NIN: variants seen among roughly 807,000 people sequenced by gnomAD.
NIN encodes ninein.
NIN carries 137 observed loss-of-function variants against 257.6 expected under a neutral mutation model. That is an observed-to-expected ratio of 0.53 (90% CI 0.46 to 0.61). NIN has a LOEUF of 0.61. Among genes scored for constraint, NIN ranks in the 20% least tolerant of loss-of-function variants. The pLI is 0.00. For missense variants in NIN, 2,439 were observed against 2,501.2 expected (o/e 0.98, Z 0.53); for synonymous variants, 918 against 919.8 (o/e 1.00, Z 0.04).
intron 3 of NIN, among the ~76,000 whole-genome samples, chr14:50,817,453 G>T (rs78718205): frequency 0.013 from 2,013 of 152,220 alleles, 52 homozygotes; most frequent in African/African-American, 0.045. Context: ...AACCCTTTCA[G>T]AAATGTAAGA....
In NIN at chr14:50,735,536, G is replaced by A; in HGVS notation, c.5857C>T (p.Leu1953=). 1.2e-6 allele frequency: 2 copies of A among 1,613,064 alleles called. No individual in the cohort carries two copies. The highest frequency in any genetic ancestry group is 1.7e-6 in the Non-Finnish European group (2 of 1,179,968). ...NEGLKKKQVK[L]DEQLMEMQHL... is the part of the protein sequence containing the mutation. Reference sequence around the variant, plus strand: ...CTTACCTCCATGAGCTGCTCATCCAGTTTTACTTGTTTCTTTTTCAGGCCT... The same window carrying A: ...CTTACCTCCATGAGCTGCTCATCCAATTTTACTTGTTTCTTTTTCAGGCCT... The change falls in exon 28 of 31, where the codon CTG becomes TTG. Residue 1953 remains leucine, a synonymous_variant. Coordinates refer to ENST00000530997, the MANE Select transcript of NIN (RefSeq NM_020921.4).
intron 27 of NIN, among the ~76,000 whole-genome samples, chr14:50,736,540 A>G (rs1354061621): frequency 6.6e-6 from 1 of 152,200 alleles, no homozygotes; most frequent in East Asian, 1.9e-4. Flanking sequence ...TAGAAAGCTG[A>G]TTTTGCTTCT....
chr14:50,758,683 A>C (rs1256105345), intron 17 of NIN, 53 bp from the exon 18 acceptor site: 1 of 1,491,290 alleles, frequency 6.7e-7, no homozygotes, highest in African/African-American at 1.4e-5. Context: ...CTCCAGAAGC[A>C]AACAAAAACC....
Position 50,719,841 on chromosome 14 carries a change from C to T in NIN, c.*3622G>A, listed in dbSNP as rs2040238758. On this transcript the variant is annotated 3_prime_UTR_variant, in exon 31 of 31. Coordinates refer to ENST00000530997, the MANE Select transcript of NIN (RefSeq NM_020921.4). ...GCATGTTTGCAAAATTATTTATTTA[C>T]ATCTTAAGCTCACATTAAAATCTTT... 1 of 199,100 alleles carries T rather than the reference C, an allele frequency of 5.0e-6. No individual in the cohort carries two copies. Among genetic ancestry groups the T allele is most frequent in the African/African-American group, 2.3e-5 (1 of 43,450 alleles). The allele number at this position is 199,100 out of a possible 1,614,324, so 12.3% of individuals were successfully genotyped here.
At chr14:50,726,154 C>T (rs1219986114) in intron 29 of NIN, 88 bp from the exon 30 acceptor site, 7 of 1,038,244 alleles carry the variant, frequency 6.7e-6, no homozygotes, top group African/African-American at 1.6e-5. Flanking sequence ...AGAGAAAGGA[C>T]AGCAAATGTT....
rs770677099 is a variant in NIN, at chr14:50,739,374, T to C, written c.5562A>G (p.Gln1854=). ...CCATGGTCTGGAGCCTCTCATTCTC[T>C]TGCCAAAGCAGCTGCTGTTCCTCAT... The part of the protein sequence containing the change: ...LMNEEQQLLW[Q]ENERLQTMVQ... The change falls in exon 26 of 31, where the codon CAA becomes CAG. Residue 1854 remains glutamine, a synonymous_variant. Coordinates refer to ENST00000530997, the MANE Select transcript of NIN (RefSeq NM_020921.4). 4 of 1,614,256 alleles carry C rather than the reference T, an allele frequency of 2.5e-6. No homozygotes were observed. The highest frequency in any genetic ancestry group is 4.5e-5 in the East Asian group (2 of 44,882).
At chr14:50,814,628 C>G (rs922819021) in intron 3 of NIN, among the ~76,000 whole-genome samples, 2 of 152,106 alleles carry the variant, frequency 1.3e-5, no homozygotes, top group African/African-American at 4.8e-5. Flanking sequence ...ATCACGCTAC[C>G]CACTTCAAAC....
rs778311811 is a variant in NIN, at chr14:50,770,997, G to A, written c.1119-5C>T. 2.9e-5 allele frequency: 47 copies of A among 1,612,828 alleles called. No homozygotes were observed. The highest frequency in any genetic ancestry group is 3.0e-5 in the Non-Finnish European group (35 of 1,179,556). ...ACCACCTGATCAACTCGTTCCCTAG[G>A]ATCAGAAGTACACTGAGTTAATGGG... On this transcript the variant is annotated splice_polypyrimidine_tract_variant and splice_region_variant and intron_variant, in intron 10 of 30. Coordinates refer to ENST00000530997, the MANE Select transcript of NIN (RefSeq NM_020921.4).
At position 50,720,485 on chromosome 14, in the gene NIN, A is replaced by C. The variant is rs1322553281; in HGVS notation, c.*2978T>G. 4 of 209,902 alleles carry C rather than the reference A, an allele frequency of 1.9e-5. No individual in the cohort carries two copies. The highest frequency in any genetic ancestry group is 2.9e-5 in the Non-Finnish European group (3 of 102,956). 13.0% of individuals were successfully genotyped at this position (209,902 alleles called of 1,614,324 possible). A position where few individuals can be genotyped will look rare whatever the true frequency, so the allele number is the denominator to read the frequency against. On this transcript the variant is annotated 3_prime_UTR_variant, in exon 31 of 31. Transcript: ENST00000530997. ...TCTCATAATATCTGCCCTGGGTAAT[A>C]GTGCATTATTAAAATACTAGACCTG...
intron 4 of NIN, among the ~76,000 whole-genome samples, chr14:50,804,448 C>T (rs2044233293): frequency 6.6e-6 from 1 of 152,174 alleles, no homozygotes; most frequent in Non-Finnish European, 1.5e-5. Flanking sequence ...TCAATAAGTA[C>T]TTTTCTGCTG....
chr14:50,775,437 G>A (rs902420561), intron 7 of NIN, among the ~76,000 whole-genome samples: 1 of 152,138 alleles, frequency 6.6e-6, no homozygotes, highest in African/African-American at 2.4e-5. Context: ...AAAATGAGAG[G>A]TGACTAAATC....
intron 4 of NIN, among the ~76,000 whole-genome samples, chr14:50,801,462 G>C (rs1566862085): frequency 6.6e-6 from 1 of 152,222 alleles, no homozygotes. Context: ...CAGCAGAACA[G>C]GGACTAAGTT....
At chr14:50,790,064 T>G (rs1322360619) in intron 5 of NIN, among the ~76,000 whole-genome samples, 1 of 151,916 alleles carries the variant, frequency 6.6e-6, no homozygotes. Flanking sequence ...AGCTATTACT[T>G]TTTTTTTGGA....
intron 30 of NIN, 42 bp from the exon 31 acceptor site, chr14:50,723,714 C>G (rs766132458): frequency 4.7e-5 from 73 of 1,569,782 alleles, no homozygotes; most frequent in Non-Finnish European, 5.6e-5. Flanking sequence ...ATTTCTGTAA[C>G]TCTTCTTAAA....
At chr14:50,784,983 C>T (rs142907405) in intron 5 of NIN, among the ~76,000 whole-genome samples, 3 of 152,292 alleles carry the variant, frequency 2.0e-5, no homozygotes, top group Admixed American at 1.3e-4. Flanking sequence ...GGTTGTCCGG[C>T]CCCAAAATGG....
chr14:50,769,904 C>CT (rs1453179635), intron 12 of NIN, among the ~76,000 whole-genome samples: 1 of 150,428 alleles, frequency 6.6e-6, no homozygotes, highest in African/African-American at 2.5e-5. Flanking sequence ...AACTGCACCG[C>CT]TGCGCTCCAG....
intron 21 of NIN, among the ~76,000 whole-genome samples, chr14:50,751,267 G>A (rs969228717): frequency 1.3e-5 from 2 of 152,054 alleles, no homozygotes; most frequent in African/African-American, 4.8e-5. Flanking sequence ...TTGTTGCGGT[G>A]GTATCTTTAG....
rs1478819084 is a variant in NIN at position 50,729,527 on chromosome 14, G to A, written c.6074C>T (p.Pro2025Leu). The change falls in exon 29 of 31, where the codon CCA (proline) becomes CTA (leucine). Residue 2025 changes from proline to leucine, a missense_variant. Around this residue, in one of 3 missense-constraint regions of NIN, gnomAD observed 2,043 missense variants for 2,050.2 expected, o/e 1.00. Coordinates refer to ENST00000530997, the MANE Select transcript of NIN (RefSeq NM_020921.4). ...AGAGTAGAGAGAGCTTCATACCTGT[G>A]GTGTGTTGGTTTCGGAGGTCCTGTT... is the stretch of plus-strand genomic sequence containing the variant. ...LENRTSETNT[P>L]QGNQEQLVTV... 3 of 1,613,228 alleles carry A rather than the reference G, an allele frequency of 1.9e-6. No homozygotes were observed. The highest frequency in any genetic ancestry group is 1.7e-5 in the Admixed American group (1 of 59,932).
At position 50,758,142 on chromosome 14, in the gene NIN, T is replaced by C; in HGVS notation, c.2888A>G (p.Gln963Arg). 1 of 1,614,228 alleles carries C rather than the reference T, an allele frequency of 6.2e-7. No individual in the cohort carries two copies. The highest frequency in any genetic ancestry group is 8.5e-7 in the Non-Finnish European group (1 of 1,180,036). The change falls in exon 18 of 31, where the codon CAG (glutamine) becomes CGG (arginine). Residue 963 changes from glutamine (Q) to arginine (R), a missense_variant. By Grantham distance (43) the Gln-to-Arg change is conservative. This residue lies in a region of NIN where 2,043 missense variants were observed against 2,050.2 expected (regional missense o/e 1.00). Coordinates refer to ENST00000530997, the MANE Select transcript of NIN (RefSeq NM_020921.4). ...EVLCQAGASEQLASQRLERLE... is the reference protein window; with the variant it reads ...EVLCQAGASERLASQRLERLE... ...TCTTTCCAGCCGCTGGCTGGCCAGC[T>C]GCTCCGAAGCCCCTGCCTGGCACAG...
Sources: gnomAD v4.1 joint callset for allele counts (sites outside exome capture counted in the v4.1 genomes callset) on GRCh38, gnomAD v4.1.1 for gene constraint, gnomAD v4.1.1 regional missense constraint, MANE v1.5 for transcripts, NCBI Gene and HGNC (gene_info 2026-07-23, HGNC 2026-07-21) for gene names.